The following KHDC4 variants were observed in gnomAD, a reference collection of about 807,000 sequenced individuals.
KHDC4 encodes the protein KH homology domain-containing protein 4.
Under a neutral mutation model 74.5 loss-of-function variants are expected in KHDC4, and 19 were observed. The observed-to-expected ratio is 0.26, with a 90% CI of 0.18 to 0.37. The LOEUF (loss-of-function observed/expected upper bound fraction) is 0.37, where lower values mean the gene tolerates loss of function less well. KHDC4 is among the 10% of genes least tolerant of loss of function. The pLI is 1.00. For missense variants in KHDC4, 632 were observed against 754.1 expected (o/e 0.84, Z 1.90); for synonymous variants, 253 against 266.1 (o/e 0.95, Z 0.48).
intron 9 of KHDC4, 92 bp from the exon 10 acceptor site, chr1:155,921,720 C>A (rs946159497): frequency 6.6e-7 from 1 of 1,508,112 alleles, no homozygotes; most frequent in Non-Finnish European, 9.0e-7. Context: ...AAGAAAAATA[C>A]TGAGGCATGA....
chr1:155,925,036 T>C (rs1367117328), intron 7 of KHDC4, among the ~76,000 whole-genome samples: 1 of 149,948 alleles, frequency 6.7e-6, no homozygotes, highest in Non-Finnish European at 1.5e-5. Context: ...CTAATTTTTT[T>C]TTTTTTTTGA....
intron 11 of KHDC4, 118 bp downstream of exon 11, chr1:155,917,381 T>C (rs1673755528): frequency 3.3e-6 from 3 of 906,778 alleles, no homozygotes; most frequent in South Asian, 1.5e-5. Context: ...CTAACCAAAA[T>C]GAATTCCAGA....
chr1:155,920,023 C>T (rs528319814), intron 10 of KHDC4: 45 of 515,254 alleles, frequency 8.7e-5, no homozygotes, highest in South Asian at 5.6e-4. Flanking sequence ...AGAGAAGGAC[C>T]CACCATAAAT....
In KHDC4 at chr1:155,914,087, G is replaced by A. The variant is rs1673681376; in HGVS notation, c.*34C>T. 3 of 1,544,850 alleles carry A rather than the reference G, an allele frequency of 1.9e-6. No homozygotes were observed. The highest frequency in any genetic ancestry group is 1.8e-6 in the Non-Finnish European group (2 of 1,117,058). On this transcript the variant is annotated 3_prime_UTR_variant, in exon 14 of 14. Transcript: ENST00000368321. ...AATGCATGCATTATTGCTAAGAAGA[G>A]TCACTGAGGGTCAAAACTCTGTTCC...
chr1:155,933,864 A>C lies in KHDC4; in HGVS notation c.39-15T>G. On this transcript the variant is annotated splice_polypyrimidine_tract_variant and intron_variant, in intron 1 of 13. Transcript: ENST00000368321. ...TGCTGCGGCGCCTACATGGAGAAAA[A>C]GGAAAACATTAGGCCCCAAAGCTTT... is the stretch of plus-strand genomic sequence containing the variant. The C allele has an allele frequency of 6.6e-7, 1 of 1,510,358 alleles. No individual in the cohort carries two copies. The highest frequency in any genetic ancestry group is 8.9e-7 in the Non-Finnish European group (1 of 1,124,322). 93.6% of individuals were successfully genotyped at this position (1,510,358 alleles called of 1,614,324 possible).
At position 155,925,683 on chromosome 1, in the gene KHDC4, A is replaced by G; in HGVS notation, c.842T>C (p.Ile281Thr). The G allele has an allele frequency of 6.2e-7, 1 of 1,614,194 alleles. No individual in the cohort carries two copies. The highest frequency in any genetic ancestry group is 8.5e-7 in the Non-Finnish European group (1 of 1,180,040). Residue 281 changes from isoleucine (I) to threonine (T), a missense_variant, in exon 7 of 14, where the codon ATT becomes ACT. Around this residue, in one of 4 missense-constraint regions of KHDC4, gnomAD observed 233 missense variants for 342.6 expected, o/e 0.68. Transcript: ENST00000368321. The part of the protein sequence containing the change: ...VFLRGKGSGC[I>T]EPASGREAFE... ...AGCTTCTCGGCCAGATGCTGGCTCA[A>G]TGCAGCCTGAACCTTTGCCCCGCAG...
At chr1:155,921,140 C>T (rs1673854292) in intron 10 of KHDC4, 1 of 523,688 alleles carries the variant, frequency 1.9e-6, no homozygotes, top group African/African-American at 1.9e-5. Flanking sequence ...CCCACCATCC[C>T]CACTTTAAAC....
At chr1:155,921,748 C>T (rs1238475247) in intron 9 of KHDC4, 113 bp downstream of exon 9, 4 of 1,436,646 alleles carry the variant, frequency 2.8e-6, no homozygotes, top group Non-Finnish European at 3.8e-6. Flanking sequence ...TCCAAATTAC[C>T]CTAAATTAAA....
chr1:155,917,889 CT>C (rs1673767701), intron 10 of KHDC4, among the ~76,000 whole-genome samples: 1 of 152,106 alleles, frequency 6.6e-6, no homozygotes, highest in South Asian at 2.1e-4. Context: ...ATATACAGTG[CT>C]TTGAACTTTT....
chr1:155,933,946 T>C (rs968250268), intron 1 of KHDC4, 97 bp from the exon 2 acceptor site: 1 of 947,206 alleles, frequency 1.1e-6, no homozygotes, highest in African/African-American at 1.7e-5. Context: ...CTCTATTATA[T>C]TCCATTTACA....
At position 155,933,677 on chromosome 1, in the gene KHDC4, T is replaced by C; in HGVS notation, c.211A>G (p.Met71Val). 1 of 1,611,958 alleles carries C rather than the reference T, an allele frequency of 6.2e-7. No homozygotes were observed. Among genetic ancestry groups the C allele is most frequent in the Non-Finnish European group, 8.5e-7 (1 of 1,178,236 alleles). Residue 71 changes from methionine (M) to valine (V), a missense_variant, in exon 2 of 14, where the codon ATG becomes GTG. By Grantham distance (21) the Met-to-Val change is conservative. Around this residue, in one of 4 missense-constraint regions of KHDC4, gnomAD observed 233 missense variants for 342.6 expected, o/e 0.68. Transcript: ENST00000368321. ...AVAAKINAML[M>V]AKGKLKPTQN... Reference sequence around the variant, plus strand: ...GTTGGTTTCAGCTTCCCTTTTGCCATGAGCATGGCATTAATCTTGGCAGCC... The same window carrying C: ...GTTGGTTTCAGCTTCCCTTTTGCCACGAGCATGGCATTAATCTTGGCAGCC...
At position 155,923,479 on chromosome 1, in the gene KHDC4, T is replaced by C. The variant is rs185439213; in HGVS notation, c.954+148A>G. On this transcript the variant is annotated intron_variant, in intron 8 of 13. Transcript: ENST00000368321. ...TCAGACTCTGCTTCCTGGACTGTGA[T>C]AGAATAAATTTGTGTTATTTTAAGC... The C allele has an allele frequency of 3.9e-4, 240 of 615,560 alleles. 1 individual carries two copies. In the African/African-American group the frequency reaches 4.0e-3, roughly 10 times the overall value. The allele number at this position is 615,560 out of a possible 1,614,324, so 38.1% of individuals were successfully genotyped here. A position where few individuals can be genotyped will look rare whatever the true frequency, so the allele number is the denominator to read the frequency against.
rs1365071457 is a variant in KHDC4 at position 155,913,356 on chromosome 1, G to A, written c.*765C>T. On this transcript the variant is annotated 3_prime_UTR_variant, in exon 14 of 14. Transcript: ENST00000368321. ...CTCTGTTTTAGCTGCAACCAGTTCT[G>A]GGAGAGAGAGACCACTGTATTTCAT... 2 of 152,352 alleles carry A rather than the reference G, an allele frequency of 1.3e-5. No homozygotes were observed. The highest frequency in any genetic ancestry group is 1.9e-4 in the East Asian group (1 of 5,336). The allele number at this position is 152,352 out of a possible 1,614,324, so 9.4% of individuals were successfully genotyped here.
Position 155,925,801 on chromosome 1 carries a change from C to T in KHDC4, c.724G>A (p.Ala242Thr). 1 of 1,614,078 alleles carries T rather than the reference C, an allele frequency of 6.2e-7. No homozygotes were observed. The highest frequency in any genetic ancestry group is 8.5e-7 in the Non-Finnish European group (1 of 1,179,946). The change falls in exon 7 of 14, where the codon GCT becomes ACT. Residue 242 changes from alanine to threonine, a missense_variant. Physicochemically the swap from Ala to Thr is moderately conservative, Grantham distance 58 (BLOSUM62 0). Around this residue, in one of 4 missense-constraint regions of KHDC4, gnomAD observed 233 missense variants for 342.6 expected, o/e 0.68. Transcript: ENST00000368321. The part of the protein sequence containing the change: ...QDKLFVGLEH[A>T]VPTFNVKEKV... ...TCCTTGACATTAAAAGTGGGTACAGCATGTTCTAGACCCACAAATAATTTA... is the reference window on the plus strand; with the variant it reads ...TCCTTGACATTAAAAGTGGGTACAGTATGTTCTAGACCCACAAATAATTTA...
chr1:155,921,257 A>T, intron 10 of KHDC4, 118 bp downstream of exon 10: 1 of 1,219,112 alleles, frequency 8.2e-7, no homozygotes, highest in Non-Finnish European at 1.2e-6. Context: ...AACACAGAAG[A>T]CAGCAGGAAA....
At position 155,919,548 on chromosome 1, in the gene KHDC4, C is replaced by T. The variant is rs573143734; in HGVS notation, c.1266+1827G>A. Among the ~76,000 whole-genome samples, 495 of 152,070 alleles carry T rather than the reference C, an allele frequency of 3.3e-3. 2 individuals carry two copies. Among genetic ancestry groups the T allele is most frequent in the African/African-American group, 0.011 (471 of 41,480 alleles). On this transcript the variant is annotated intron_variant, in intron 10 of 13. Coordinates refer to ENST00000368321, the MANE Select transcript of KHDC4 (RefSeq NM_014949.4). ...ACATTAGGCCGGGCGCGGTGGCTCA[C>T]GCCTGTAATCCCAGTACTTTGGGAG...
rs950227012 is a variant in KHDC4, at chr1:155,932,506, G to A, written c.255+1127C>T. ...ATCCAGTGTTTATGTATCCTGCTGAGGTCAACTACCTAAAGATTATTATTT... is the reference window on the plus strand; with the variant it reads ...ATCCAGTGTTTATGTATCCTGCTGAAGTCAACTACCTAAAGATTATTATTT... On this transcript the variant is annotated intron_variant, in intron 2 of 13. Transcript: ENST00000368321. 2.6e-5 allele frequency: 4 copies of A among 151,918 alleles called. No homozygotes were observed. The South Asian group carries it at 8.3e-4, about 32-fold the overall frequency. The allele number at this position is 151,918 out of a possible 1,614,324, so 9.4% of individuals were successfully genotyped here. A position where few individuals can be genotyped will look rare whatever the true frequency, so the allele number is the denominator to read the frequency against.
chr1:155,926,058 ATCAGAC>A (rs767748506), intron 6 of KHDC4: 6 of 729,326 alleles, frequency 8.2e-6, no homozygotes, highest in South Asian at 8.2e-5. Flanking sequence ...GTCTTACTTC[ATCAGAC>A]TCAGCCTTCT....
At position 155,921,936 on chromosome 1, in the gene KHDC4, A is replaced by G. The variant is rs769162593; in HGVS notation, c.955-18T>C. ...GCATGAACCTGAAAGAGAGGGGGAA[A>G]CAAATTAACATGGGACAGCCGAAGC... On this transcript the variant is annotated intron_variant, in intron 8 of 13. Transcript: ENST00000368321. The G allele has an allele frequency of 2.1e-5, 32 of 1,557,562 alleles. No individual in the cohort carries two copies. The highest frequency in any genetic ancestry group is 2.8e-5 in the Non-Finnish European group (32 of 1,130,580).
Sources: allele counts gnomAD v4.1 joint callset (sites outside exome capture counted in the v4.1 genomes callset), GRCh38; gene constraint gnomAD v4.1.1; regional missense constraint gnomAD v4.1.1; transcripts MANE v1.5; gene names NCBI Gene and HGNC (gene_info 2026-07-23, HGNC 2026-07-21).